STK10: variants seen among roughly 807,000 people sequenced by gnomAD.
The protein encoded by STK10 is serine/threonine kinase 10, also known as serine/threonine-protein kinase 10.
Under a neutral mutation model 113.8 loss-of-function variants are expected in STK10, and 78 were observed. That is an observed-to-expected ratio of 0.69 (90% CI 0.57 to 0.83). STK10 has a LOEUF of 0.83. Among genes scored for constraint, STK10 ranks in the 40% least tolerant of loss-of-function variants. The pLI, the probability that STK10 is intolerant of heterozygous loss-of-function variation, is 0.00. For missense variants in STK10, 1,109 were observed against 1,280.1 expected, an observed-to-expected ratio of 0.87 and a Z score of 2.04; for synonymous variants, 465 against 494.7, an observed-to-expected ratio of 0.94 and a Z score of 0.80.
At chr5:172,071,067 G>A (rs367988677) in intron 12 of STK10, among the ~76,000 whole-genome samples, 15 of 151,504 alleles carry the variant, frequency 9.9e-5, no homozygotes, top group African/African-American at 3.4e-4. Flanking sequence ...AACATTAGCC[G>A]GGTGTGGTGG....
intron 10 of STK10, among the ~76,000 whole-genome samples, chr5:172,088,540 C>A (rs1768620894): frequency 6.6e-6 from 1 of 152,102 alleles, no homozygotes; most frequent in South Asian, 2.1e-4. Context: ...TAAATAAATA[C>A]ATAAAATTAA....
At position 172,182,918 on chromosome 5, in the gene STK10, A is replaced by T. The variant is rs137870868; in HGVS notation, c.156+4969T>A. 2.6e-4 allele frequency among the ~76,000 whole-genome samples: 40 copies of T among 152,210 alleles called. No individual in the cohort carries two copies. In the East Asian group the frequency reaches 7.5e-3, roughly 29 times the overall value. On this transcript the variant is annotated intron_variant, in intron 1 of 18. Transcript: ENST00000176763. The stretch of plus-strand genomic sequence containing the variant: ...GCTCAGGCTGGCAAAGCAATTTTTA[A>T]GAAGGATACCAGGCTCAGTGGCTCA...
In STK10 at chr5:172,120,276, GC is replaced by G. The variant is rs1769484363; in HGVS notation, c.371-2647del. 6.6e-6 allele frequency among the ~76,000 whole-genome samples: 1 copy of G among 152,168 alleles called. No homozygotes were observed. Among genetic ancestry groups the G allele is most frequent in the Non-Finnish European group, 1.5e-5 (1 of 68,018 alleles). On this transcript the variant is annotated intron_variant, in intron 3 of 18. Coordinates refer to ENST00000176763, the MANE Select transcript of STK10 (RefSeq NM_005990.4). This position sits in a 1 kb window ranked among gnomAD's most constrained non-coding sequence, Gnocchi z 4.0. Reference sequence around the variant, plus strand: ...ACAACAGCACTGCTGTGTCCGGCTTGCCTAGTGGTGCCTGGACAGGAATCCA... The same window carrying G: ...ACAACAGCACTGCTGTGTCCGGCTTGCTAGTGGTGCCTGGACAGGAATCCA...
intron 1 of STK10, among the ~76,000 whole-genome samples, chr5:172,169,870 C>G (rs990307936): frequency 2.0e-5 from 3 of 152,192 alleles, no homozygotes; most frequent in Non-Finnish European, 4.4e-5. Flanking sequence ...CAAGTCCCAA[C>G]TCTACTACTT....
At chr5:172,106,535 C>T in intron 6 of STK10, 85 bp downstream of exon 6, 1 of 1,402,068 alleles carries the variant, frequency 7.1e-7, no homozygotes. Context: ...GCTACCACTG[C>T]ACCTCCCCAG....
chr5:172,135,883 C>T (rs1769847021), intron 2 of STK10, among the ~76,000 whole-genome samples: 1 of 151,870 alleles, frequency 6.6e-6, no homozygotes, highest in Non-Finnish European at 1.5e-5. Flanking sequence ...AAAAATTTGC[C>T]AGGCTTGGTG....
chr5:172,068,018 C>A (rs190740412), intron 12 of STK10, among the ~76,000 whole-genome samples: 2 of 152,228 alleles, frequency 1.3e-5, no homozygotes, highest in African/African-American at 4.8e-5. Flanking sequence ...CTAGGGAGGC[C>A]AAAAGCCACC....
chr5:172,140,776 A>G (rs570770242), intron 2 of STK10, among the ~76,000 whole-genome samples: 2 of 152,322 alleles, frequency 1.3e-5, no homozygotes, highest in South Asian at 2.1e-4. Context: ...TATTTATCCA[A>G]AAGCATTAAA....
chr5:172,110,168 G>A (rs1313951012), intron 4 of STK10, among the ~76,000 whole-genome samples: 1 of 152,328 alleles, frequency 6.6e-6, no homozygotes, highest in East Asian at 1.9e-4. Context: ...TGGGGGAGCA[G>A]AGAGTAAGCA....
At chr5:172,053,149 A>G (rs944349187) in intron 17 of STK10, 107 bp from the exon 18 acceptor site, 52 of 804,686 alleles carry the variant, frequency 6.5e-5, no homozygotes, top group South Asian at 5.9e-4. Flanking sequence ...TCGTTCATTT[A>G]TTATTTCTTC....
chr5:172,149,516 GTGTGTC>G (rs1275406288), intron 2 of STK10, among the ~76,000 whole-genome samples: 1,746 of 148,354 alleles, frequency 0.012, 35 homozygotes, highest in African/African-American at 0.04. Context: ...GTGTGTGTGT[GTGTGTC>G]TGTGTGTGTG....
At chr5:172,085,992 G>A (rs2113735628) in intron 10 of STK10, among the ~76,000 whole-genome samples, 1 of 152,300 alleles carries the variant, frequency 6.6e-6, no homozygotes, top group East Asian at 1.9e-4. Context: ...GAGGCCAAGA[G>A]CATTCTCTGG....
chr5:172,073,949 A>G (rs1261199825), intron 12 of STK10, among the ~76,000 whole-genome samples: 1 of 150,822 alleles, frequency 6.6e-6, no homozygotes, highest in Non-Finnish European at 1.5e-5. Flanking sequence ...TAGGTGACAG[A>G]GCAAGACTCT....
intron 12 of STK10, among the ~76,000 whole-genome samples, chr5:172,075,596 G>T (rs1437456715): frequency 1.3e-5 from 2 of 152,192 alleles, no homozygotes. Flanking sequence ...AGAATCGCTT[G>T]AACCTGGAAG....
intron 18 of STK10, 133 bp from the exon 19 acceptor site, chr5:172,045,155 C>T (rs755106419): frequency 5.9e-5 from 79 of 1,344,832 alleles, no homozygotes; most frequent in Middle Eastern, 2.4e-4. Context: ...TGAGAAACTA[C>T]GGCTTCCCTA....
intron 9 of STK10, among the ~76,000 whole-genome samples, chr5:172,090,902 T>G (rs1307252611): frequency 1.7e-5 from 2 of 120,056 alleles, no homozygotes; most frequent in Non-Finnish European, 3.2e-5. Flanking sequence ...GCCACTGCAC[T>G]CCAGCCTGGG....
intron 2 of STK10, among the ~76,000 whole-genome samples, chr5:172,155,497 CAA>C (rs59148440): frequency 2.5e-4 from 23 of 92,752 alleles, no homozygotes; most frequent in Admixed American, 4.7e-4. Flanking sequence ...GACTCCATCT[CAA>C]AAAAAAAAAA....
rs1415121786 is a variant in STK10 at position 172,133,649 on chromosome 5, C to T, written c.322-6228G>A. On this transcript the variant is annotated intron_variant, in intron 2 of 18. Transcript: ENST00000176763. The surrounding 1 kb of genome is among the most constrained non-coding windows in gnomAD (Gnocchi z 4.9). ...GTTGCAGGAAACCATGTTGCAACCA[C>T]GAGAGAAGTGGGTGTGAAGACAAAG... is the stretch of plus-strand genomic sequence containing the variant. Among the ~76,000 whole-genome samples, 6 of 152,208 alleles carry T rather than the reference C, an allele frequency of 3.9e-5. No homozygotes were observed. The East Asian group carries it at 7.7e-4, about 20-fold the overall frequency.
intron 8 of STK10, among the ~76,000 whole-genome samples, chr5:172,095,734 G>A (rs1768834357): frequency 6.6e-6 from 1 of 152,212 alleles, no homozygotes; most frequent in African/African-American, 2.4e-5. Context: ...AAGGATGTGG[G>A]CCAGCTCCAT....
Sources: gnomAD v4.1 joint callset for allele counts (sites outside exome capture counted in the v4.1 genomes callset) on GRCh38, gnomAD v4.1.1 for gene constraint, Gnocchi (gnomAD v3.1) non-coding constraint, MANE v1.5 for transcripts, NCBI Gene and HGNC (gene_info 2026-07-23, HGNC 2026-07-21) for gene names.